TMTC4: variants seen among roughly 807,000 people sequenced by gnomAD.
TMTC4 encodes transmembrane O-mannosyltransferase targeting cadherins 4, also known as protein O-mannosyl-transferase TMTC4.
In TMTC4, 65 loss-of-function variants were observed where a neutral mutation model predicts 86.0. That is an observed-to-expected ratio of 0.76 (90% CI 0.62 to 0.93). TMTC4 has a LOEUF of 0.93. Among genes scored for constraint, TMTC4 ranks in the 40% least tolerant of loss-of-function variants. The probability of loss-of-function intolerance (pLI) is 0.00; values close to 1 mark genes in which losing one functional copy is unlikely to be tolerated. For missense variants in TMTC4, 866 were observed against 948.1 expected, an observed-to-expected ratio of 0.91 and a Z score of 1.14; for synonymous variants, 379 against 382.5, an observed-to-expected ratio of 0.99 and a Z score of 0.11.
rs1165947539 is a variant in TMTC4, at chr13:100,668,483, C to T, written c.219+96G>A. 4 of 1,305,390 alleles carry T rather than the reference C, an allele frequency of 3.1e-6. No individual in the cohort carries two copies. The African/African-American group carries it at 5.9e-5, about 19-fold the overall frequency. 80.9% of individuals were successfully genotyped at this position (1,305,390 alleles called of 1,614,324 possible). A position where few individuals can be genotyped will look rare whatever the true frequency, so the allele number is the denominator to read the frequency against. ...CATCGGGGCCCAGGCCAATGCTTAA[C>T]CTACATTCCACAGAGAACAATGCAA... is the stretch of plus-strand genomic sequence containing the variant. On this transcript the variant is annotated intron_variant, in intron 3 of 18. Transcript: ENST00000342624.
intron 6 of TMTC4, among the ~76,000 whole-genome samples, chr13:100,642,660 A>G (rs551854464): frequency 6.6e-6 from 1 of 152,050 alleles, no homozygotes; most frequent in African/African-American, 2.4e-5. Context: ...CTTTTTGAGA[A>G]CTCTCACTGA....
chr13:100,622,055 C>G (rs376549917), intron 15 of TMTC4, among the ~76,000 whole-genome samples: 1 of 152,190 alleles, frequency 6.6e-6, no homozygotes, highest in Non-Finnish European at 1.5e-5. Flanking sequence ...ATCTTCAGGT[C>G]TCACAGAGAA....
intron 6 of TMTC4, among the ~76,000 whole-genome samples, chr13:100,654,592 T>C (rs959335304): frequency 1.3e-5 from 2 of 151,924 alleles, no homozygotes; most frequent in Admixed American, 1.3e-4. Flanking sequence ...ATATATGTAA[T>C]ATATATTAAT....
chr13:100,611,355 G>A (rs894024350), intron 17 of TMTC4, among the ~76,000 whole-genome samples: 1 of 152,220 alleles, frequency 6.6e-6, no homozygotes, highest in African/African-American at 2.4e-5. Context: ...GGAAGCCGAG[G>A]AGGGTGGATC....
At chr13:100,667,500 C>G (rs1027192512) in intron 3 of TMTC4, among the ~76,000 whole-genome samples, 12 of 152,188 alleles carry the variant, frequency 7.9e-5, no homozygotes, top group African/African-American at 2.4e-4. Flanking sequence ...AAATGGAGAT[C>G]AACTGCAATA....
intron 6 of TMTC4, among the ~76,000 whole-genome samples, chr13:100,650,458 T>G (rs1237659175): frequency 6.6e-6 from 1 of 152,208 alleles, no homozygotes; most frequent in African/African-American, 2.4e-5. Flanking sequence ...AGAAAAAGCA[T>G]CACGTTGTAC....
chr13:100,673,368 C>T (rs1338186413), intron 1 of TMTC4: 7 of 985,244 alleles, frequency 7.1e-6, no homozygotes, highest in African/African-American at 1.7e-5. Context: ...GAATATTCCC[C>T]TCCATGCATC....
chr13:100,643,097 C>A (rs1037375094), intron 6 of TMTC4, among the ~76,000 whole-genome samples: 1 of 152,038 alleles, frequency 6.6e-6, no homozygotes, highest in Admixed American at 6.6e-5. Flanking sequence ...GTCGGTGGTG[C>A]GTGCAATTTG....
intron 6 of TMTC4, among the ~76,000 whole-genome samples, chr13:100,653,090 A>G (rs926206115): frequency 6.6e-6 from 1 of 152,198 alleles, no homozygotes; most frequent in Non-Finnish European, 1.5e-5. Flanking sequence ...GGTATTATTA[A>G]TTTGCAGCAA....
chr13:100,654,479 C>T (rs999788545), intron 6 of TMTC4, among the ~76,000 whole-genome samples: 1 of 152,024 alleles, frequency 6.6e-6, no homozygotes. Context: ...CATTTAAGTA[C>T]CTTTAACTTT....
In TMTC4 at chr13:100,662,878, G is replaced by A. The variant is rs953602785; in HGVS notation, c.552+86C>T. The A allele has an allele frequency of 9.7e-6, 14 of 1,443,132 alleles. No homozygotes were observed. In the East Asian group the frequency reaches 2.0e-4, roughly 21 times the overall value. 89.4% of individuals were successfully genotyped at this position (1,443,132 alleles called of 1,614,324 possible). A position where few individuals can be genotyped will look rare whatever the true frequency, so the allele number is the denominator to read the frequency against. The stretch of plus-strand genomic sequence containing the variant: ...CTGGAACCAAGATGGGTACATAAAG[G>A]GAGCCTGTTTTAGGAAACCAGGCGA... On this transcript the variant is annotated intron_variant, in intron 5 of 18. Transcript: ENST00000342624.
chr13:100,671,444 G>A (rs936052517), intron 1 of TMTC4, among the ~76,000 whole-genome samples: 3 of 152,072 alleles, frequency 2.0e-5, no homozygotes, highest in East Asian at 1.9e-4. Context: ...GAACATAAAC[G>A]TGTTCTAAGC....
chr13:100,638,002 G>A lies in TMTC4; in HGVS notation c.762C>T (p.Asp254=). The A allele has an allele frequency of 6.2e-7, 1 of 1,613,890 alleles. No homozygotes were observed. Among genetic ancestry groups the A allele is most frequent in the Non-Finnish European group, 8.5e-7 (1 of 1,179,948 alleles). ...CATTGAATTTGCCTATCACCAAGAT[G>A]TCAAATACCGCATTTAAACCCTAAG... ...ITVLGLNAVF[D]ILVIGKFNVL... The change falls in exon 8 of 19, where the codon GAC becomes GAT. Residue 254 remains aspartate, a synonymous_variant. Coordinates refer to ENST00000342624, the MANE Select transcript of TMTC4 (RefSeq NM_032813.5).
chr13:100,665,401 G>T (rs1397921338), intron 3 of TMTC4, among the ~76,000 whole-genome samples: 1 of 152,208 alleles, frequency 6.6e-6, no homozygotes, highest in Admixed American at 6.5e-5. Context: ...ACCAAACTCT[G>T]ATTAATTTAA....
intron 10 of TMTC4, 67 bp downstream of exon 10, chr13:100,636,465 C>A (rs1288658316): frequency 1.9e-6 from 3 of 1,564,196 alleles, no homozygotes; most frequent in Non-Finnish European, 2.6e-6. Flanking sequence ...AAATGATCAG[C>A]GCAGGATTTC....
chr13:100,632,528 C>T (rs1183655403), intron 12 of TMTC4, among the ~76,000 whole-genome samples: 1 of 152,136 alleles, frequency 6.6e-6, no homozygotes, highest in Non-Finnish European at 1.5e-5. Flanking sequence ...AATTAAATCA[C>T]AGGCAATTTA....
intron 3 of TMTC4, among the ~76,000 whole-genome samples, chr13:100,664,592 C>G (rs1886185603): frequency 6.6e-6 from 1 of 152,190 alleles, no homozygotes; most frequent in African/African-American, 2.4e-5. Flanking sequence ...CCGAACTCTG[C>G]AGGCCCATAG....
chr13:100,618,970 T>C (rs901876669), intron 15 of TMTC4, among the ~76,000 whole-genome samples: 1 of 152,200 alleles, frequency 6.6e-6, no homozygotes, highest in Non-Finnish European at 1.5e-5. Flanking sequence ...AAAACCGCCA[T>C]TGTCATCCCA....
chr13:100,605,127 C>T lies in TMTC4; in HGVS notation c.2150G>A (p.Arg717His), dbSNP rs779195493. ...YHGNLAVLYH[R>H]WGHLDLAKKH... ...CTTGGCCAAGTCTAGATGTCCCCAACGATGATAAAGCACAGCTGAAATAGC... is the reference window on the plus strand; with the variant it reads ...CTTGGCCAAGTCTAGATGTCCCCAATGATGATAAAGCACAGCTGAAATAGC... The change falls in exon 19 of 19, where the codon CGT (arginine) becomes CAT (histidine). Residue 717 changes from arginine (R) to histidine (H), a missense_variant. Physicochemically the swap from Arg to His is conservative, Grantham distance 29. Coordinates refer to ENST00000342624, the MANE Select transcript of TMTC4 (RefSeq NM_032813.5). The surrounding 1 kb of genome is among the most constrained non-coding windows in gnomAD (Gnocchi z 4.3). 17 of 1,611,046 alleles carry T rather than the reference C, an allele frequency of 1.1e-5. No individual in the cohort carries two copies. Among genetic ancestry groups the T allele is most frequent in the African/African-American group, 8.0e-5 (6 of 74,640 alleles).
Sources: allele counts gnomAD v4.1 joint callset (sites outside exome capture counted in the v4.1 genomes callset), GRCh38; gene constraint gnomAD v4.1.1; non-coding constraint Gnocchi (gnomAD v3.1); transcripts MANE v1.5; gene names NCBI Gene and HGNC (gene_info 2026-07-23, HGNC 2026-07-21).